The following PNMA5 variants were observed in gnomAD, a reference collection of about 807,000 sequenced individuals.
PNMA5 encodes paraneoplastic antigen-like protein 5.
For missense variants in PNMA5, 334 were observed against 356.6 expected (o/e 0.94, Z 0.51); for synonymous variants, 138 against 137.9 (o/e 1.00, Z 0.00).
Position 152,991,261 on chromosome X carries a change from T to G in PNMA5, c.338A>C (p.Glu113Ala), listed in dbSNP as rs1556924515. The G allele has an allele frequency of 6.6e-6, 8 of 1,203,879 alleles. No homozygotes were observed. The highest frequency in any genetic ancestry group is 6.6e-5 in the Admixed American group (3 of 45,277). The part of the protein sequence containing the change: ...LSRLNYFLKD[E>A]GRSMTDVARA... Reference sequence around the variant, plus strand: ...GGCCACATCTGTCATACTTCGGCCCTCATCTTTCAGGAAGTAGTTCAGTCT... The same window carrying G: ...GGCCACATCTGTCATACTTCGGCCCGCATCTTTCAGGAAGTAGTTCAGTCT... The change falls in exon 4 of 4, where the codon GAG (glutamate) becomes GCG (alanine). Residue 113 changes from glutamate to alanine, a missense_variant. Physicochemically the swap from Glu to Ala is moderately radical, Grantham distance 107. Coordinates refer to ENST00000535214, the MANE Select transcript of PNMA5 (RefSeq NM_001184924.2).
intron 2 of PNMA5, chrX:152,992,319 G>A (rs1341553743): frequency 8.9e-6 from 1 of 112,294 alleles, no homozygotes; most frequent in Non-Finnish European, 1.9e-5. Context: ...CATGTGGTAA[G>A]GCCAAGGTCC....
In PNMA5 at chrX:152,990,542, C is replaced by T. The variant is rs139204252; in HGVS notation, c.1057G>A (p.Gly353Ser). ...CTGGCTTCTGCTCTTGCCTGTCTACCGGAGGCCCCCCGGCCTCTCCCTGAT... is the reference window on the plus strand; with the variant it reads ...CTGGCTTCTGCTCTTGCCTGTCTACTGGAGGCCCCCCGGCCTCTCCCTGAT... The part of the protein sequence containing the change: ...KPSGRGRGAS[G>S]RQARAEASVS... The change falls in exon 4 of 4, where the codon GGT becomes AGT. Residue 353 changes from glycine to serine, a missense_variant. Gly to Ser is a moderately conservative substitution (Grantham distance 56). Transcript: ENST00000535214. 2.0e-5 allele frequency: 24 copies of T among 1,202,037 alleles called. No homozygotes were observed. Among genetic ancestry groups the T allele is most frequent in the Non-Finnish European group, 2.6e-5 (23 of 891,918 alleles).
intron 1 of PNMA5, among the ~76,000 whole-genome samples, chrX:152,993,377 A>G (rs1311616714): frequency 4.6e-5 from 5 of 108,949 alleles, no homozygotes; most frequent in African/African-American, 1.7e-4. Context: ...GCTCCCCCCA[A>G]TCCCCACCCG....
intron 1 of PNMA5, 80 bp from the exon 2 acceptor site, chrX:152,992,866 C>T (rs1444314606): frequency 1.1e-4 from 12 of 109,205 alleles, no homozygotes; most frequent in Non-Finnish European, 1.9e-5. Flanking sequence ...CCAATTCAGA[C>T]TCTGCATAGG....
At chrX:152,991,784 C>T (rs1005594896) in intron 3 of PNMA5, 63 bp from the exon 4 acceptor site, 1 of 516,235 alleles carries the variant, frequency 1.9e-6, no homozygotes. Flanking sequence ...CCCAAGCACC[C>T]CTCCTCTGCC....
In PNMA5 at chrX:152,993,800, C is replaced by T. The variant is rs782104311; in HGVS notation, c.-330+233G>A. ...CCTCAGGTGATCCACCCGCCTCGGCCTCCCAAAGTGCTGGGATTACAGGTG... is the reference window on the plus strand; with the variant it reads ...CCTCAGGTGATCCACCCGCCTCGGCTTCCCAAAGTGCTGGGATTACAGGTG... On this transcript the variant is annotated intron_variant, in intron 1 of 3. Transcript: ENST00000535214. Among the ~76,000 whole-genome samples, 515 of 112,876 alleles carry T rather than the reference C, an allele frequency of 4.6e-3. 3 individuals are homozygous for T. The highest frequency in any genetic ancestry group is 6.8e-3 in the Non-Finnish European group (363 of 53,268).
rs1556924063 is a variant in PNMA5 at position 152,990,112 on chromosome X, AAAGT to A, written c.*136_*139del. The A allele has an allele frequency of 1.0e-6, 1 of 993,871 alleles. No individual in the cohort carries two copies. The highest frequency in any genetic ancestry group is 2.0e-5 in the African/African-American group (1 of 50,508). The allele number at this position is 993,871 out of a possible 1,213,427, so 81.9% of individuals were successfully genotyped here. On this transcript the variant is annotated 3_prime_UTR_variant, in exon 4 of 4. Coordinates refer to ENST00000535214, the MANE Select transcript of PNMA5 (RefSeq NM_001184924.2). ...TGGTGAAGTCCCTTCCAGCTGGTGG[AAAGT>A]AAGGGGGCTTGATCTCGACCTGGCT... is the stretch of plus-strand genomic sequence containing the variant.
rs67383647 is a variant in PNMA5 at position 152,991,916 on chromosome X, T to C, written c.-138A>G. The stretch of plus-strand genomic sequence containing the variant: ...CCCCATCTCACCACTCCCTGCTGAC[T>C]TCCTCCTGCTGTGGGTTCTTCCTCA... On this transcript the variant is annotated 5_prime_UTR_variant, in exon 3 of 4. Coordinates refer to ENST00000535214, the MANE Select transcript of PNMA5 (RefSeq NM_001184924.2). The C allele has an allele frequency of 0.3, 66,277 of 221,791 alleles. 7,259 individuals are homozygous for C. The highest frequency in any genetic ancestry group is 0.4 in the South Asian group (1,603 of 4,042). 18.3% of individuals were successfully genotyped at this position (221,791 alleles called of 1,213,427 possible). A position where few individuals can be genotyped will look rare whatever the true frequency, so the allele number is the denominator to read the frequency against.
chrX:152,991,552 T>C lies in PNMA5; in HGVS notation c.47A>G (p.Asp16Gly). 8.5e-7 allele frequency: 1 copy of C among 1,180,839 alleles called. No individual in the cohort carries two copies. Among genetic ancestry groups the C allele is most frequent in the Non-Finnish European group, 1.1e-6 (1 of 881,478 alleles). The stretch of plus-strand genomic sequence containing the variant: ...TACAATCAGCAGGGCCTTTCTGGGG[T>C]CCATGTCCATCCCCTTGCACCAATC... ...LEDWCKGMDM[D>G]PRKALLIVGI... The change falls in exon 4 of 4, where the codon GAC becomes GGC. Residue 16 changes from aspartate (D) to glycine (G), a missense_variant. Transcript: ENST00000535214.
intron 1 of PNMA5, among the ~76,000 whole-genome samples, chrX:152,993,741 C>T (rs1556925034): frequency 1.8e-5 from 2 of 112,503 alleles, no homozygotes; most frequent in South Asian, 7.3e-4. Flanking sequence ...AACGGGGTTT[C>T]CCCATGTTGG....
In PNMA5 at chrX:152,991,541, C is replaced by A. The variant is rs1261423351; in HGVS notation, c.58G>T (p.Ala20Ser). ...ATGGGGATGCCTACAATCAGCAGGG[C>A]CTTTCTGGGGTCCATGTCCATCCCC... The part of the protein sequence containing the change: ...CKGMDMDPRK[A>S]LLIVGIPMEC... The change falls in exon 4 of 4, where the codon GCC becomes TCC. Residue 20 changes from alanine to serine, a missense_variant. Transcript: ENST00000535214. The A allele has an allele frequency of 4.2e-6, 5 of 1,189,000 alleles. No homozygotes were observed. The East Asian group carries it at 8.9e-5, about 21-fold the overall frequency.
In PNMA5 at chrX:152,990,566, A is replaced by G. The variant is rs782570168; in HGVS notation, c.1033T>C (p.Ser345Pro). Residue 345 changes from serine (S) to proline (P), a missense_variant, in exon 4 of 4, where the codon TCA becomes CCA. Ser to Pro is a moderately conservative substitution (Grantham distance 74, BLOSUM62 -1). Coordinates refer to ENST00000535214, the MANE Select transcript of PNMA5 (RefSeq NM_001184924.2). The stretch of plus-strand genomic sequence containing the variant: ...CCGGAGGCCCCCCGGCCTCTCCCTG[A>G]TGGCTTCTCCTTATTCTTCATCACT... ...EAVMKNKEKP[S>P]GRGRGASGRQ... The G allele has an allele frequency of 1.7e-6, 2 of 1,199,407 alleles. No homozygotes were observed. Among genetic ancestry groups the G allele is most frequent in the Non-Finnish European group, 2.2e-6 (2 of 890,805 alleles).
Position 152,990,074 on chromosome X carries a change from A to G in PNMA5, c.*178T>C, listed in dbSNP as rs1406527772. The G allele has an allele frequency of 1.8e-5, 15 of 821,403 alleles. No homozygotes were observed. Among genetic ancestry groups the G allele is most frequent in the South Asian group, 5.9e-5 (1 of 17,064 alleles). 67.7% of individuals were successfully genotyped at this position (821,403 alleles called of 1,213,427 possible). A position where few individuals can be genotyped will look rare whatever the true frequency, so the allele number is the denominator to read the frequency against. On this transcript the variant is annotated 3_prime_UTR_variant, in exon 4 of 4. Transcript: ENST00000535214. Reference sequence around the variant, plus strand: ...CCCGGCCCCCACTGAACCAGATGCTATTTGGTCTTGGTTGGTGAAGTCCCT... The same window carrying G: ...CCCGGCCCCCACTGAACCAGATGCTGTTTGGTCTTGGTTGGTGAAGTCCCT...
chrX:152,993,199 C>A (rs1556924926), intron 1 of PNMA5, among the ~76,000 whole-genome samples: 1 of 109,040 alleles, frequency 9.2e-6, no homozygotes, highest in Non-Finnish European at 1.9e-5. Flanking sequence ...CAAGCTTAGC[C>A]CCCCACCAAG....
chrX:152,991,665 A>G lies in PNMA5; in HGVS notation c.-67T>C. 1 of 1,098,222 alleles carries G rather than the reference A, an allele frequency of 9.1e-7. No individual in the cohort carries two copies. The highest frequency in any genetic ancestry group is 1.2e-6 in the Non-Finnish European group (1 of 840,378). The allele number at this position is 1,098,222 out of a possible 1,213,427, so 90.5% of individuals were successfully genotyped here. A position where few individuals can be genotyped will look rare whatever the true frequency, so the allele number is the denominator to read the frequency against. On this transcript the variant is annotated 5_prime_UTR_variant, in exon 4 of 4. Coordinates refer to ENST00000535214, the MANE Select transcript of PNMA5 (RefSeq NM_001184924.2). The stretch of plus-strand genomic sequence containing the variant: ...ATCAGCTCAGTTTGACAGCACTCAA[A>G]TAACTCTGAGCCACTGCCACGTAGG...
At chrX:152,992,234 T>C (rs781836600) in intron 2 of PNMA5, 7 of 111,581 alleles carry the variant, frequency 6.3e-5, no homozygotes, top group Admixed American at 9.5e-5. Flanking sequence ...GGTGTGGAGA[T>C]TGTGTGACAA....
At position 152,991,085 on chromosome X, in the gene PNMA5, C is replaced by T; in HGVS notation, c.514G>A (p.Glu172Lys). The T allele has an allele frequency of 1.7e-6, 2 of 1,201,318 alleles. No homozygotes were observed. Among genetic ancestry groups the T allele is most frequent in the South Asian group, 3.7e-5 (2 of 54,021 alleles). The change falls in exon 4 of 4, where the codon GAA becomes AAA. Residue 172 changes from glutamate to lysine, a missense_variant. Glu to Lys is a moderately conservative substitution (Grantham distance 56). Coordinates refer to ENST00000535214, the MANE Select transcript of PNMA5 (RefSeq NM_001184924.2). The part of the protein sequence containing the change: ...FSGTASPSPG[E>K]ETFEDWLEQV... ...TCTAGCCAGTCTTCAAAGGTCTCTT[C>T]GCCTGGGCTAGGGGAAGCAGTTCCC...
rs3810655 is a variant in PNMA5 at position 152,991,280 on chromosome X, T to G, written c.319A>C (p.Asn107His). The G allele has an allele frequency of 2.5e-4, 296 of 1,206,374 alleles. 1 individual carries two copies. In the East Asian group the frequency reaches 8.7e-3, roughly 35 times the overall value. ...CGGCCCTCATCTTTCAGGAAGTAGT[T>G]CAGTCTACTGAGAAACTCATCATCT... ...NPDDEFLSRL[N>H]YFLKDEGRSM... Residue 107 changes from asparagine to histidine, a missense_variant, in exon 4 of 4, where the codon AAC becomes CAC. Physicochemically the swap from Asn to His is moderately conservative, Grantham distance 68 (BLOSUM62 1). Transcript: ENST00000535214.
chrX:152,993,576 G>C (rs67873405), intron 1 of PNMA5, among the ~76,000 whole-genome samples: 38,636 of 111,112 alleles, frequency 0.35, 5,467 homozygotes, highest in East Asian at 0.69. Flanking sequence ...AACGGAGTCT[G>C]GCTTTGTCAC....
Sources: gnomAD v4.1 joint callset for allele counts (sites outside exome capture counted in the v4.1 genomes callset) on GRCh38, gnomAD v4.1.1 for gene constraint, MANE v1.5 for transcripts, NCBI Gene and HGNC (gene_info 2026-07-23, HGNC 2026-07-21) for gene names.